Variants in DLGAP2 observed in about 807,000 individuals in gnomAD.
DLGAP2 encodes disks large-associated protein 2.
In DLGAP2, 26 loss-of-function variants were observed where a neutral mutation model predicts 100.3. The ratio of observed to expected loss-of-function variants is 0.26; its 90% CI spans 0.19 to 0.36. DLGAP2 has a LOEUF of 0.36. Ranked by LOEUF, DLGAP2 falls within the 10% of genes least tolerant of loss-of-function variation. The pLI is 1.00. For missense variants in DLGAP2, 1,858 were observed against 1,453.2 expected (o/e 1.28, Z -4.53); for synonymous variants, 886 against 630.1 (o/e 1.41, Z -6.08).
intron 2 of DLGAP2, among the ~76,000 whole-genome samples, chr8:1,023,857 ATGTG>A (rs149206104): frequency 0.03 from 3,851 of 128,874 alleles, 115 homozygotes; most frequent in African/African-American, 0.081. Flanking sequence ...AACTTTATAT[ATGTG>A]TGTGTGTGTG....
chr8:1,272,370 G>C (rs1332108774), intron 3 of DLGAP2, among the ~76,000 whole-genome samples: 1 of 151,894 alleles, frequency 6.6e-6, no homozygotes, highest in Non-Finnish European at 1.5e-5. Flanking sequence ...GTGAGATTGA[G>C]CTGGAAAAGA....
intron 8 of DLGAP2, among the ~76,000 whole-genome samples, chr8:1,667,389 A>G (rs971651441): frequency 6.6e-6 from 1 of 151,730 alleles, no homozygotes; most frequent in Non-Finnish European, 1.5e-5. Context: ...GCCCCATGCA[A>G]CTCGAGTTTG....
chr8:1,033,334 C>G (rs1434684286), intron 2 of DLGAP2, among the ~76,000 whole-genome samples: 3 of 152,140 alleles, frequency 2.0e-5, no homozygotes, highest in Admixed American at 6.5e-5. Flanking sequence ...ATCTCTGTCT[C>G]AAGAAGGGAG....
intron 2 of DLGAP2, among the ~76,000 whole-genome samples, chr8:1,218,750 C>T (rs1351469026): frequency 6.6e-6 from 1 of 152,080 alleles, no homozygotes; most frequent in East Asian, 1.9e-4. Context: ...ATTGATTCTT[C>T]ATAACTATGA....
intron 2 of DLGAP2, among the ~76,000 whole-genome samples, chr8:1,180,527 C>G (rs1343263673): frequency 6.6e-6 from 1 of 151,446 alleles, no homozygotes; most frequent in African/African-American, 2.5e-5. Context: ...CATGGATTAT[C>G]TGTTGTAATT....
intron 2 of DLGAP2, among the ~76,000 whole-genome samples, chr8:1,175,375 G>A (rs1797231517): frequency 6.6e-6 from 1 of 152,200 alleles, no homozygotes; most frequent in African/African-American, 2.4e-5. Flanking sequence ...GAGTCCAGAA[G>A]AATATCATTA....
intron 1 of DLGAP2, among the ~76,000 whole-genome samples, chr8:785,944 G>C (rs1172365376): frequency 1.3e-5 from 2 of 152,204 alleles, no homozygotes; most frequent in Non-Finnish European, 2.9e-5. Context: ...GAATGAATGA[G>C]GGAACGGGAG....
intron 5 of DLGAP2, among the ~76,000 whole-genome samples, chr8:1,551,340 G>T (rs1035877657): frequency 6.6e-6 from 1 of 152,112 alleles, no homozygotes; most frequent in Non-Finnish European, 1.5e-5. Context: ...TCTTGTTTTT[G>T]TCTGTGCCTG....
At chr8:973,849 G>A (rs1001355442) in intron 2 of DLGAP2, among the ~76,000 whole-genome samples, 7 of 55,958 alleles carry the variant, frequency 1.3e-4, no homozygotes, top group South Asian at 6.8e-4. Flanking sequence ...CGGGGCGGGC[G>A]GTGGCGGCTG....
chr8:930,195 A>G (rs1798924034), intron 2 of DLGAP2, among the ~76,000 whole-genome samples: 2 of 152,208 alleles, frequency 1.3e-5, no homozygotes, highest in South Asian at 4.1e-4. Flanking sequence ...AGGGCTACGC[A>G]GCCCCTTGCC....
intron 8 of DLGAP2, among the ~76,000 whole-genome samples, chr8:1,664,883 G>C (rs1245967074): frequency 6.6e-6 from 1 of 152,200 alleles, no homozygotes; most frequent in East Asian, 1.9e-4. Flanking sequence ...CACTTAGAAA[G>C]AGCATCATGT....
At chr8:1,287,153 T>C (rs867698003) in intron 3 of DLGAP2, among the ~76,000 whole-genome samples, 6 of 127,718 alleles carry the variant, frequency 4.7e-5, no homozygotes, top group African/African-American at 1.1e-4. Flanking sequence ...TGTGTGTGTG[T>C]GTGTGCGCGC....
intron 14 of DLGAP2, among the ~76,000 whole-genome samples, chr8:1,700,311 G>C (rs576836178): frequency 6.6e-6 from 1 of 152,162 alleles, no homozygotes; most frequent in South Asian, 2.1e-4. Context: ...GCCTTCTGCC[G>C]TGTGCCCTTT....
chr8:1,136,249 G>T (rs1295895065), intron 2 of DLGAP2, among the ~76,000 whole-genome samples: 2 of 152,002 alleles, frequency 1.3e-5, no homozygotes, highest in African/African-American at 2.4e-5. Flanking sequence ...CCTCACACCT[G>T]GCCTCAATTT....
At chr8:743,412 A>G (rs756838840) in intron 1 of DLGAP2, among the ~76,000 whole-genome samples, 15 of 152,132 alleles carry the variant, frequency 9.9e-5, no homozygotes, top group Admixed American at 7.2e-4. Flanking sequence ...GGTAGATCTT[A>G]TATTCAGGGG....
chr8:1,434,705 A>G (rs1475711385), intron 3 of DLGAP2, among the ~76,000 whole-genome samples: 1 of 151,968 alleles, frequency 6.6e-6, no homozygotes, highest in Non-Finnish European at 1.5e-5. Context: ...CGAACTCCAG[A>G]CTCAGGCAAT....
At chr8:1,334,682 A>G (rs1274722064) in intron 3 of DLGAP2, among the ~76,000 whole-genome samples, 1 of 151,784 alleles carries the variant, frequency 6.6e-6, no homozygotes, top group Non-Finnish European at 1.5e-5. Flanking sequence ...CATTCTCGGC[A>G]CTCCAGGGTA....
At chr8:1,216,092 G>C (rs990988620) in intron 2 of DLGAP2, among the ~76,000 whole-genome samples, 5 of 152,216 alleles carry the variant, frequency 3.3e-5, no homozygotes, top group African/African-American at 1.2e-4. Flanking sequence ...CTTCTAATTT[G>C]TGAAAGGAGG....
At chr8:776,430 G>A (rs200009943) in intron 1 of DLGAP2, among the ~76,000 whole-genome samples, 1 of 151,862 alleles carries the variant, frequency 6.6e-6, no homozygotes, top group East Asian at 1.9e-4. Context: ...CTAGTTCTTT[G>A]AATTGTGATG....
Sources: allele counts gnomAD v4.1 joint callset (sites outside exome capture counted in the v4.1 genomes callset), GRCh38; gene constraint gnomAD v4.1.1; transcripts MANE v1.5; gene names NCBI Gene and HGNC (gene_info 2026-07-23, HGNC 2026-07-21).